Variants in POT1 observed in about 807,000 individuals in gnomAD.
POT1 encodes protection of telomeres 1.
POT1 carries 47 observed loss-of-function variants against 78.5 expected under a neutral mutation model. The ratio of observed to expected loss-of-function variants is 0.60; its 90% CI spans 0.47 to 0.76. The LOEUF (loss-of-function observed/expected upper bound fraction) is 0.76, where lower values mean the gene tolerates loss of function less well. Ranked by LOEUF, POT1 falls within the 30% of genes least tolerant of loss-of-function variation. POT1 has a pLI of 0.00. For synonymous variants in POT1, 259 were observed against 260.7 expected, an observed-to-expected ratio of 0.99 and a Z score of 0.06; for missense variants, 646 against 749.9, an observed-to-expected ratio of 0.86 and a Z score of 1.62.
chr7:124,866,266 T>G (rs1368364973), intron 7 of POT1, among the ~76,000 whole-genome samples: 1 of 151,142 alleles, frequency 6.6e-6, no homozygotes, highest in Non-Finnish European at 1.5e-5. Context: ...AGAATAGGCC[T>G]TACTATAAGA....
At chr7:124,906,477 C>T (rs1035413525) in intron 3 of POT1, among the ~76,000 whole-genome samples, 12 of 118,554 alleles carry the variant, frequency 1.0e-4, no homozygotes, top group Admixed American at 4.4e-4. Context: ...CATCACACAC[C>T]GGGGCTTGTC....
chr7:124,861,948 G>A (rs147980604), intron 8 of POT1, among the ~76,000 whole-genome samples: 103 of 152,182 alleles, frequency 6.8e-4, no homozygotes, highest in African/African-American at 2.2e-3. Context: ...CCTCTGTTCC[G>A]TTCCACTGGT....
chr7:124,862,707 C>A (rs1056976367), intron 8 of POT1, among the ~76,000 whole-genome samples: 1 of 152,046 alleles, frequency 6.6e-6, no homozygotes, highest in African/African-American at 2.4e-5. Flanking sequence ...GAGAAATAAC[C>A]ATAGGAGCAG....
At chr7:124,844,551 A>G (rs935148064) in intron 12 of POT1, among the ~76,000 whole-genome samples, 6 of 150,698 alleles carry the variant, frequency 4.0e-5, no homozygotes, top group Non-Finnish European at 8.9e-5. Context: ...CCTGGCTAAC[A>G]CGGTGAAACC....
chr7:124,914,887 A>G (rs1796980779), intron 3 of POT1, among the ~76,000 whole-genome samples: 1 of 152,218 alleles, frequency 6.6e-6, no homozygotes, highest in South Asian at 2.1e-4. Context: ...TCAATTTTCT[A>G]CAAGTATCTG....
At chr7:124,917,587 A>G (rs1030040500) in intron 2 of POT1, among the ~76,000 whole-genome samples, 2 of 152,168 alleles carry the variant, frequency 1.3e-5, no homozygotes, top group Admixed American at 6.5e-5. Context: ...CAATAACAAC[A>G]TATGAGGCAT....
chr7:124,887,431 A>G (rs891846317), intron 6 of POT1, among the ~76,000 whole-genome samples: 3 of 152,070 alleles, frequency 2.0e-5, no homozygotes, highest in African/African-American at 7.2e-5. Flanking sequence ...TTTTTACATT[A>G]TACGTTAATA....
chr7:124,878,488 C>T (rs1045151621), intron 6 of POT1, among the ~76,000 whole-genome samples: 3 of 152,060 alleles, frequency 2.0e-5, no homozygotes, highest in Admixed American at 2.0e-4. Flanking sequence ...TAAATGTTCT[C>T]ACTATAAAAA....
chr7:124,843,747 T>C (rs1795088605), intron 12 of POT1, among the ~76,000 whole-genome samples: 1 of 152,236 alleles, frequency 6.6e-6, no homozygotes, highest in African/African-American at 2.4e-5. Context: ...CTTAACACTT[T>C]CATGTGTTTT....
At chr7:124,907,662 C>CT (rs781510726) in intron 3 of POT1, among the ~76,000 whole-genome samples, 17 of 152,022 alleles carry the variant, frequency 1.1e-4, no homozygotes, top group Non-Finnish European at 2.1e-4. Context: ...ACCATGGACT[C>CT]TGAGTGATAA....
intron 2 of POT1, among the ~76,000 whole-genome samples, chr7:124,917,459 C>T (rs978432353): frequency 1.3e-5 from 2 of 152,156 alleles, no homozygotes; most frequent in Admixed American, 6.5e-5. Context: ...ACTCTAAACC[C>T]GACTAGATTA....
intron 3 of POT1, among the ~76,000 whole-genome samples, chr7:124,903,123 G>T (rs1421386028): frequency 1.3e-5 from 2 of 152,174 alleles, no homozygotes; most frequent in Admixed American, 6.5e-5. Flanking sequence ...CAAAGAGATA[G>T]AAAGTTAACA....
chr7:124,924,176 G>C (rs1413761998), intron 2 of POT1, among the ~76,000 whole-genome samples: 2 of 137,508 alleles, frequency 1.5e-5, no homozygotes, highest in African/African-American at 5.3e-5. Flanking sequence ...AAAACCCAAA[G>C]GATCAATGAA....
At chr7:124,833,399 A>T (rs1237521937) in intron 15 of POT1, among the ~76,000 whole-genome samples, 1 of 152,182 alleles carries the variant, frequency 6.6e-6, no homozygotes, top group Non-Finnish European at 1.5e-5. Context: ...AATTGCTACA[A>T]ATGTAGAAGT....
chr7:124,861,711 T>C, intron 8 of POT1, among the ~76,000 whole-genome samples: 1 of 152,216 alleles, frequency 6.6e-6, no homozygotes, highest in East Asian at 1.9e-4. Flanking sequence ...TGCCTAGGTT[T>C]TCTTCTAGGG....
chr7:124,898,438 T>A (rs1433318129), intron 3 of POT1, 64 bp from the exon 4 acceptor site: 1 of 151,974 alleles, frequency 6.6e-6, no homozygotes, highest in African/African-American at 2.4e-5. Context: ...GAATGTCATA[T>A]AAATCCTTAT....
At position 124,898,211 on chromosome 7, in the gene POT1, T is replaced by C. The variant is rs181089255; in HGVS notation, c.-40+50A>G. 2.4e-3 allele frequency: 367 copies of C among 152,098 alleles called. 1 individual carries two copies. The highest frequency in any genetic ancestry group is 8.6e-3 in the African/African-American group (358 of 41,552). 9.4% of individuals were successfully genotyped at this position (152,098 alleles called of 1,614,324 possible). ...AGAAATACTTTCAATCCCATCACTT[T>C]AGCTCATTAAATCTGCAATGTAATT... On this transcript the variant is annotated intron_variant, in intron 4 of 18. Transcript: ENST00000357628.
chr7:124,900,756 A>C (rs1796598590), intron 3 of POT1: 1 of 276,748 alleles, frequency 3.6e-6, no homozygotes, highest in Admixed American at 3.4e-5. Context: ...AGCCAAGGGA[A>C]GCCATGACGG....
At chr7:124,888,298 G>A (rs534783938) in intron 6 of POT1, among the ~76,000 whole-genome samples, 1 of 152,092 alleles carries the variant, frequency 6.6e-6, no homozygotes, top group East Asian at 1.9e-4. Context: ...TTATTTCTAG[G>A]CGCTCTATTC....
Sources: allele counts gnomAD v4.1 joint callset (sites outside exome capture counted in the v4.1 genomes callset), GRCh38; gene constraint gnomAD v4.1.1; transcripts MANE v1.5; gene names NCBI Gene and HGNC (gene_info 2026-07-23, HGNC 2026-07-21).